LHX8: variants seen among roughly 807,000 people sequenced by gnomAD.
The protein encoded by LHX8 is LIM homeobox 8, also known as LIM/homeobox protein Lhx8.
LHX8 carries 12 observed loss-of-function variants against 40.3 expected under a neutral mutation model. The ratio of observed to expected loss-of-function variants is 0.30; its 90% CI spans 0.19 to 0.48. LHX8 has a LOEUF of 0.48. Ranked by LOEUF, LHX8 falls within the 20% of genes least tolerant of loss-of-function variation. The probability of loss-of-function intolerance (pLI) is 0.99; values close to 1 mark genes in which losing one functional copy is unlikely to be tolerated. For synonymous variants in LHX8, 179 were observed against 162.0 expected, an observed-to-expected ratio of 1.10 and a Z score of -0.80; for missense variants, 344 against 433.7, an observed-to-expected ratio of 0.79 and a Z score of 1.84.
downstream of LHX8, among the ~76,000 whole-genome samples, chr1:75,165,780 G>C (rs1649020904): frequency 6.6e-6 from 1 of 152,082 alleles, no homozygotes. Flanking sequence ...TTCCAAAACA[G>C]ATCTTTTCAA....
At chr1:75,141,968 TAAAG>T (rs1648325208) in intron 4 of LHX8, among the ~76,000 whole-genome samples, 2 of 152,142 alleles carry the variant, frequency 1.3e-5, no homozygotes, top group African/African-American at 4.8e-5. Flanking sequence ...CTAGGTAACT[TAAAG>T]TAATTTATGA....
chr1:75,130,495 G>T, upstream of LHX8: 1 of 607,490 alleles, frequency 1.6e-6, no homozygotes, highest in South Asian at 2.0e-5. Flanking sequence ...GGCTTGCCCA[G>T]CTGGGAAGCC....
chr1:75,185,202 A>G, the LHX8 span, among the ~76,000 whole-genome samples: 1 of 152,022 alleles, frequency 6.6e-6, no homozygotes, highest in Non-Finnish European at 1.5e-5. Context: ...TATTATTCCC[A>G]CTGAAACTAT....
downstream of LHX8, among the ~76,000 whole-genome samples, chr1:75,164,168 C>T (rs947151526): frequency 1.3e-5 from 2 of 152,144 alleles, no homozygotes; most frequent in African/African-American, 4.8e-5. Flanking sequence ...TAGAGCCTAA[C>T]ATTGTGAGCA....
At chr1:75,136,454 C>T (rs1186717860) in intron 1 of LHX8, 149 bp from the exon 2 acceptor site, 2 of 454,146 alleles carry the variant, frequency 4.4e-6, no homozygotes, top group Non-Finnish European at 7.4e-6. Context: ...GCCCGCGGCG[C>T]CCGGGCTCAG....
the LHX8 span, among the ~76,000 whole-genome samples, chr1:75,169,670 A>C: frequency 6.6e-6 from 1 of 152,144 alleles, no homozygotes; most frequent in Non-Finnish European, 1.5e-5. Flanking sequence ...ACTATCACTG[A>C]GCCATCCCAA....
chr1:75,142,526 T>C (rs1216551379), intron 4 of LHX8, among the ~76,000 whole-genome samples: 2 of 152,182 alleles, frequency 1.3e-5, no homozygotes, highest in African/African-American at 4.8e-5. Flanking sequence ...ATACAATAGC[T>C]TTTTCACCAA....
chr1:75,145,793 A>G (rs1186828264), intron 6 of LHX8, among the ~76,000 whole-genome samples: 2 of 152,190 alleles, frequency 1.3e-5, no homozygotes, highest in Non-Finnish European at 2.9e-5. Context: ...AGATAGCCTT[A>G]TGGTTAAACA....
the LHX8 span, among the ~76,000 whole-genome samples, chr1:75,179,499 GTTGTTTTT>G: frequency 9.3e-6 from 1 of 107,182 alleles, no homozygotes; most frequent in Non-Finnish European, 1.9e-5. Flanking sequence ...TGCAACCCCT[GTTGTTTTT>G]TTTTTTTTTT....
chr1:75,143,113 T>C lies in LHX8; in HGVS notation c.360-5T>C. 1.9e-6 allele frequency: 3 copies of C among 1,610,168 alleles called. No individual in the cohort carries two copies. Among genetic ancestry groups the C allele is most frequent in the Non-Finnish European group, 2.5e-6 (3 of 1,176,656 alleles). On this transcript the variant is annotated splice_region_variant and splice_polypyrimidine_tract_variant and intron_variant, in intron 4 of 8. Coordinates refer to ENST00000356261, the MANE Select transcript of LHX8 (RefSeq NM_001256114.2). ...ATTTACCTTCCACACCTCTATTTAA[T>C]GTAGAAGGTATGGAACTCGCTGCTC...
chr1:75,159,210 G>A (rs1339266257), intron 8 of LHX8: 1 of 152,106 alleles, frequency 6.6e-6, no homozygotes, highest in African/African-American at 2.4e-5. Flanking sequence ...TTTGCATATG[G>A]ATAGCTAATT....
At chr1:75,142,642 C>T (rs1005925941) in intron 4 of LHX8, among the ~76,000 whole-genome samples, 1 of 142,132 alleles carries the variant, frequency 7.0e-6, no homozygotes, top group African/African-American at 2.5e-5. Context: ...TTTTAACATC[C>T]TAAAAACTAT....
At chr1:75,144,804 A>G (rs1648417887) in intron 6 of LHX8, among the ~76,000 whole-genome samples, 1 of 152,146 alleles carries the variant, frequency 6.6e-6, no homozygotes, top group Non-Finnish European at 1.5e-5. Flanking sequence ...CATAGTATCC[A>G]TCTTAGCTCA....
chr1:75,142,694 G>A (rs542234608), intron 4 of LHX8, among the ~76,000 whole-genome samples: 51 of 152,050 alleles, frequency 3.4e-4, no homozygotes, highest in Non-Finnish European at 6.9e-4. Context: ...GTTTTAAGAA[G>A]TCATTATTTA....
rs1384927542 is a variant in LHX8, at chr1:75,148,567, A to G, written c.685-20A>G. ...CTGCTTGTTTTTAGCTATTTACTACATACATGTTTTAAACAACAGGTTATG... is the reference window on the plus strand; with the variant it reads ...CTGCTTGTTTTTAGCTATTTACTACGTACATGTTTTAAACAACAGGTTATG... On this transcript the variant is annotated intron_variant, in intron 6 of 8. Transcript: ENST00000356261. 9 of 1,568,220 alleles carry G rather than the reference A, an allele frequency of 5.7e-6. No individual in the cohort carries two copies. The highest frequency in any genetic ancestry group is 2.2e-5 in the East Asian group (1 of 44,578).
chr1:75,156,398 C>T (rs559938083), intron 7 of LHX8, among the ~76,000 whole-genome samples: 7 of 152,120 alleles, frequency 4.6e-5, no homozygotes, highest in African/African-American at 7.2e-5. Flanking sequence ...CCAACCACCA[C>T]GGCCAGCTAG....
At chr1:75,130,445 T>C (rs573825326), upstream of LHX8, 24 of 563,070 alleles carry the variant, frequency 4.3e-5, no homozygotes, top group African/African-American at 4.5e-4. Context: ...GAAGGCAGGG[T>C]CTGCCCGCCA....
chr1:75,143,704 T>G (rs1648382021), intron 5 of LHX8, 141 bp from the exon 6 acceptor site: 1 of 704,824 alleles, frequency 1.4e-6, no homozygotes, highest in South Asian at 1.6e-5. Context: ...ATCTGTAGTA[T>G]GTTTTAAAAC....
rs914229792 is a variant in LHX8, at chr1:75,150,925, T to A, written c.780+2243T>A. Among the ~76,000 whole-genome samples the A allele has an allele frequency of 3.9e-5, 6 of 152,178 alleles. 1 individual carries two copies. Among genetic ancestry groups the A allele is most frequent in the Admixed American group, 6.5e-5 (1 of 15,272 alleles). On this transcript the variant is annotated intron_variant, in intron 7 of 8. Coordinates refer to ENST00000356261, the MANE Select transcript of LHX8 (RefSeq NM_001256114.2). The stretch of plus-strand genomic sequence containing the variant: ...CTCTTGACCTTGTGATCCGCCCGCC[T>A]CAGCCTTCCAAAGTGACGGGATTAC...
Sources: gnomAD v4.1 joint callset for allele counts (sites outside exome capture counted in the v4.1 genomes callset) on GRCh38, gnomAD v4.1.1 for gene constraint, MANE v1.5 for transcripts, NCBI Gene and HGNC (gene_info 2026-07-23, HGNC 2026-07-21) for gene names.